The following CYP2C8 variants were observed in gnomAD, a reference collection of about 807,000 sequenced individuals.
CYP2C8 encodes cytochrome P450 2C8.
In CYP2C8, 51 loss-of-function variants were observed where a neutral mutation model predicts 41.3. The observed-to-expected ratio is 1.24, with a 90% CI of 0.99 to 1.56. CYP2C8 has a LOEUF of 1.56. CYP2C8 is among the 40% of genes most tolerant of loss of function. The pLI, the probability that CYP2C8 is intolerant of heterozygous loss-of-function variation, is 0.00. For synonymous variants in CYP2C8, 218 were observed against 205.8 expected, an observed-to-expected ratio of 1.06 and a Z score of -0.51; for missense variants, 651 against 579.9, an observed-to-expected ratio of 1.12 and a Z score of -1.26.
At chr10:95,066,119 T>TGAGAGAGAGAGAGAGA (rs144502351) in intron 3 of CYP2C8, among the ~76,000 whole-genome samples, 14 of 97,772 alleles carry the variant, frequency 1.4e-4, no homozygotes, top group South Asian at 8.9e-4. Context: ...GAAGCCTTGG[T>TGAGAGAGAGAGAGAGA]GAGAGAGAGA....
At chr10:95,062,765 A>G (rs1012810708) in intron 4 of CYP2C8, among the ~76,000 whole-genome samples, 1 of 152,124 alleles carries the variant, frequency 6.6e-6, no homozygotes, top group Non-Finnish European at 1.5e-5. Flanking sequence ...ATGTTTTTGC[A>G]GTGGCTGGTA....
chr10:95,055,364 A>AAAAT (rs1037969842), intron 5 of CYP2C8, among the ~76,000 whole-genome samples: 1 of 152,166 alleles, frequency 6.6e-6, no homozygotes, highest in African/African-American at 2.4e-5. Flanking sequence ...GTTTCAAAAA[A>AAAAT]AAATAAATAA....
chr10:95,056,020 G>A (rs1030239895), intron 5 of CYP2C8, among the ~76,000 whole-genome samples: 1 of 152,148 alleles, frequency 6.6e-6, no homozygotes, highest in Non-Finnish European at 1.5e-5. Flanking sequence ...TTGAGACCAA[G>A]AGTCAGAGGT....
chr10:95,045,691 G>A (rs774754968), intron 6 of CYP2C8, 119 bp downstream of exon 6: 57 of 1,224,898 alleles, frequency 4.7e-5, no homozygotes, highest in Non-Finnish European at 6.3e-5. Flanking sequence ...ACAGATTACA[G>A]CTGATGACAC....
intron 3 of CYP2C8, 131 bp from the exon 4 acceptor site, chr10:95,065,091 A>G: frequency 2.5e-6 from 2 of 787,554 alleles, no homozygotes; most frequent in East Asian, 7.2e-5. Context: ...TCCAAAAAAA[A>G]TCAGCATGGA....
chr10:95,059,274 C>T (rs1400837749), intron 4 of CYP2C8, among the ~76,000 whole-genome samples: 9 of 152,068 alleles, frequency 5.9e-5, no homozygotes, highest in Non-Finnish European at 2.9e-5. Context: ...TGTAAAAGTG[C>T]TCCTATTTCT....
chr10:95,062,283 T>C (rs1282365793), intron 4 of CYP2C8, among the ~76,000 whole-genome samples: 1 of 152,188 alleles, frequency 6.6e-6, no homozygotes, highest in African/African-American at 2.4e-5. Flanking sequence ...CTAAGTCTCT[T>C]TATAGGTCTC....
At chr10:95,044,555 G>A (rs565462026) in intron 6 of CYP2C8, among the ~76,000 whole-genome samples, 1 of 152,092 alleles carries the variant, frequency 6.6e-6, no homozygotes, top group Non-Finnish European at 1.5e-5. Context: ...TGAATGTCAG[G>A]AAGCAAGATG....
At position 95,053,940 on chromosome 10, in the gene CYP2C8, A is replaced by G. The variant is rs146173692; in HGVS notation, c.819+4395T>C. On this transcript the variant is annotated intron_variant, in intron 5 of 8. Transcript: ENST00000371270. ...CAGAACCTAAAGTATAATATAAAAA[A>G]TCACTCAAAAATATGAATAGAAGGG... Among the ~76,000 whole-genome samples, 546 of 152,296 alleles carry G rather than the reference A, an allele frequency of 3.6e-3. 2 individuals carry two copies. Among genetic ancestry groups the G allele is most frequent in the African/African-American group, 0.013 (528 of 41,576 alleles).
At chr10:95,041,005 CT>C (rs1475991766) in intron 7 of CYP2C8, 1 of 455,952 alleles carries the variant, frequency 2.2e-6, no homozygotes, top group African/African-American at 2.0e-5. Flanking sequence ...ACCAAAATAT[CT>C]TATGAATACA....
intron 4 of CYP2C8, among the ~76,000 whole-genome samples, chr10:95,061,768 T>C (rs945677243): frequency 1.3e-5 from 2 of 152,242 alleles, no homozygotes; most frequent in Admixed American, 6.5e-5. Flanking sequence ...CTTTCTCTTG[T>C]GGGTATTTAG....
Position 95,067,063 on chromosome 10 carries a change from T to A in CYP2C8, c.481+145A>T, listed in dbSNP as rs182699272. ...AGATACACAAAACCTCCCTTGTCTC[T>A]GTGCTTCAAATCTCCCTCCACCACC... On this transcript the variant is annotated intron_variant, in intron 3 of 8. Transcript: ENST00000371270. The A allele has an allele frequency of 2.8e-3, 3,213 of 1,140,356 alleles. 14 individuals are homozygous for A. Among genetic ancestry groups the A allele is most frequent in the Non-Finnish European group, 3.8e-3 (2,895 of 753,572 alleles). 70.6% of individuals were successfully genotyped at this position (1,140,356 alleles called of 1,614,324 possible).
chr10:95,039,045 G>C lies in CYP2C8; in HGVS notation c.1150-7C>G. ...ATGCCATTATGGTTGTGCCCTGGAA[G>C]TAACAAAACAGATAATCTGATTTAT... On this transcript the variant is annotated splice_polypyrimidine_tract_variant and splice_region_variant and intron_variant, in intron 7 of 8. Coordinates refer to ENST00000371270, the MANE Select transcript of CYP2C8 (RefSeq NM_000770.3). 6.2e-7 allele frequency: 1 copy of C among 1,612,198 alleles called. No homozygotes were observed. Among genetic ancestry groups the C allele is most frequent in the Non-Finnish European group, 8.5e-7 (1 of 1,178,272 alleles).
chr10:95,040,192 G>A (rs1228611192), intron 7 of CYP2C8, among the ~76,000 whole-genome samples: 3 of 152,154 alleles, frequency 2.0e-5, no homozygotes. Flanking sequence ...CTATTATTGT[G>A]TAAAAGAAAA....
chr10:95,038,812 C>T (rs1490659425), intron 8 of CYP2C8, 85 bp downstream of exon 8: 1 of 1,291,162 alleles, frequency 7.7e-7, no homozygotes, highest in Non-Finnish European at 1.1e-6. Context: ...TCTACCAGCC[C>T]CAGAGGAGGT....
chr10:95,063,197 T>C (rs1564741263), intron 4 of CYP2C8, among the ~76,000 whole-genome samples: 1 of 152,228 alleles, frequency 6.6e-6, no homozygotes. Context: ...CCTTCCTAGG[T>C]TGGGGAAGTT....
chr10:95,046,433 G>T (rs962407861), intron 5 of CYP2C8, among the ~76,000 whole-genome samples: 2 of 76,736 alleles, frequency 2.6e-5, no homozygotes, highest in Non-Finnish European at 4.8e-5. Flanking sequence ...AGAGCAATTG[G>T]GGGGGGCACA....
At chr10:95,041,016 A>G in intron 7 of CYP2C8, 1 of 455,952 alleles carries the variant, frequency 2.2e-6, no homozygotes. Flanking sequence ...TTATGAATAC[A>G]GAAGTCCTGA....
rs2033013697 is a variant in CYP2C8 at position 95,042,079 on chromosome 10, G to C, written c.1149+811C>G. 5.3e-5 allele frequency among the ~76,000 whole-genome samples: 8 copies of C among 152,220 alleles called. 1 individual carries two copies. The South Asian group carries it at 1.5e-3, about 28-fold the overall frequency. On this transcript the variant is annotated intron_variant, in intron 7 of 8. Transcript: ENST00000371270. ...AATACTTAAAACATCATTCTCAGTA[G>C]TGAAATATTAATATTCTTATACTCT...
Sources: gnomAD v4.1 joint callset for allele counts (sites outside exome capture counted in the v4.1 genomes callset) on GRCh38, gnomAD v4.1.1 for gene constraint, MANE v1.5 for transcripts, NCBI Gene and HGNC (gene_info 2026-07-23, HGNC 2026-07-21) for gene names.